Variants in RBMS2 observed in about 807,000 individuals in gnomAD.
RBMS2 encodes the protein RNA-binding motif, single-stranded-interacting protein 2.
RBMS2 carries 38 observed loss-of-function variants against 58.4 expected under a neutral mutation model. The observed-to-expected ratio is 0.65, with a 90% CI of 0.50 to 0.85. RBMS2 has a LOEUF of 0.85. Ranked by LOEUF, RBMS2 falls within the 40% of genes least tolerant of loss-of-function variation. The pLI, the probability that RBMS2 is intolerant of heterozygous loss-of-function variation, is 0.00. For synonymous variants in RBMS2, 151 were observed against 180.7 expected, an observed-to-expected ratio of 0.84 and a Z score of 1.32; for missense variants, 367 against 503.7, an observed-to-expected ratio of 0.73 and a Z score of 2.60.
chr12:56,560,376 C>A (rs1318039499), intron 1 of RBMS2, among the ~76,000 whole-genome samples: 1 of 151,898 alleles, frequency 6.6e-6, no homozygotes, highest in African/African-American at 2.4e-5. Flanking sequence ...TCTGCCTCAG[C>A]CTCCTGAGTA....
intron 2 of RBMS2, among the ~76,000 whole-genome samples, chr12:56,567,774 T>C (rs1206179716): frequency 6.6e-6 from 1 of 151,944 alleles, no homozygotes; most frequent in African/African-American, 2.4e-5. Context: ...GAGGCTGCAG[T>C]GAGCCATGTT....
intron 5 of RBMS2, among the ~76,000 whole-genome samples, chr12:56,577,269 G>A (rs866629044): frequency 6.6e-5 from 10 of 150,874 alleles, no homozygotes; most frequent in Admixed American, 2.0e-4. Flanking sequence ...CTGGGCGAGC[G>A]CCTGTAATCC....
chr12:56,574,100 C>T (rs1882774844), intron 5 of RBMS2, among the ~76,000 whole-genome samples: 1 of 152,166 alleles, frequency 6.6e-6, no homozygotes, highest in Admixed American at 6.5e-5. Context: ...CTCAGCCTCC[C>T]AAAGTGCTAG....
intron 5 of RBMS2, 27 bp from the exon 6 acceptor site, chr12:56,581,157 G>T: frequency 6.5e-7 from 1 of 1,541,884 alleles, no homozygotes; most frequent in East Asian, 2.2e-5. Flanking sequence ...GGAGAAGCTA[G>T]AGCCTAACCC....
rs1885244656 is a variant in RBMS2, at chr12:56,590,695, A to G, written c.*1562A>G. On this transcript the variant is annotated 3_prime_UTR_variant, in exon 14 of 14. Transcript: ENST00000262031. ...GACTTTTGATAACTCTGCATATAGC[A>G]AGAGTGATTCTTGAAAGAGCTGTGG... 6.6e-6 allele frequency: 1 copy of G among 152,244 alleles called. No individual in the cohort carries two copies. Among genetic ancestry groups the G allele is most frequent in the South Asian group, 2.1e-4 (1 of 4,826 alleles). The allele number at this position is 152,244 out of a possible 1,614,324, so 9.4% of individuals were successfully genotyped here.
In RBMS2 at chr12:56,595,511, G is replaced by GTCTT. The variant is rs1162393397; in HGVS notation, c.*6380_*6383dup. On this transcript the variant is annotated 3_prime_UTR_variant, in exon 14 of 14. Transcript: ENST00000262031. ...AACTTACACTCCTTTTCTACCCCTG[G>GTCTT]TCTTTTCCTTGTCCTTCCCTACAAC... 2 of 151,148 alleles carry GTCTT rather than the reference G, an allele frequency of 1.3e-5. No homozygotes were observed. Among genetic ancestry groups the GTCTT allele is most frequent in the Non-Finnish European group, 2.9e-5 (2 of 67,892 alleles). 9.4% of individuals were successfully genotyped at this position (151,148 alleles called of 1,614,324 possible).
intron 4 of RBMS2, among the ~76,000 whole-genome samples, chr12:56,570,869 G>A (rs906577892): frequency 3.3e-5 from 5 of 152,112 alleles, no homozygotes; most frequent in Admixed American, 6.6e-5. Flanking sequence ...GAGCCACCAC[G>A]CCTGGCTGTC....
chr12:56,567,405 G>A (rs988920274), intron 2 of RBMS2, among the ~76,000 whole-genome samples: 8 of 150,582 alleles, frequency 5.3e-5, no homozygotes, highest in Non-Finnish European at 7.4e-5. Context: ...AAAAGAAGAG[G>A]AAGGAGAAGG....
intron 5 of RBMS2, 38 bp downstream of exon 5, chr12:56,571,893 A>G: frequency 1.4e-6 from 2 of 1,450,298 alleles, no homozygotes; most frequent in South Asian, 1.5e-5. Flanking sequence ...TGAGGTTAAT[A>G]ACAAATGTCA....
chr12:56,579,024 A>C (rs774409192), intron 5 of RBMS2, among the ~76,000 whole-genome samples: 1 of 152,180 alleles, frequency 6.6e-6, no homozygotes, highest in Non-Finnish European at 1.5e-5. Flanking sequence ...TTCTGTCATC[A>C]AAATTGATTT....
chr12:56,559,230 A>C (rs980750800), intron 1 of RBMS2, among the ~76,000 whole-genome samples: 6 of 149,454 alleles, frequency 4.0e-5, no homozygotes, highest in African/African-American at 1.5e-4. Flanking sequence ...CCCAGGCTGG[A>C]GTGCAGTGGC....
At chr12:56,559,020 CGCGCCAGCTGACAGTT>C (rs1349903168) in intron 1 of RBMS2, among the ~76,000 whole-genome samples, 2 of 152,100 alleles carry the variant, frequency 1.3e-5, no homozygotes, top group Non-Finnish European at 2.9e-5. Flanking sequence ...CTTGAGCTAC[CGCGCCAGCTGACAGTT>C]GCTTTTATTA....
At chr12:56,588,174 C>A in intron 11 of RBMS2, 120 bp from the exon 12 acceptor site, 1 of 793,582 alleles carries the variant, frequency 1.3e-6, no homozygotes. Context: ...ATGCTCAGAC[C>A]AATTAAAATA....
chr12:56,564,257 G>C (rs912127712), intron 2 of RBMS2, among the ~76,000 whole-genome samples: 1 of 151,856 alleles, frequency 6.6e-6, no homozygotes, highest in Non-Finnish European at 1.5e-5. Context: ...GCTCAGAGAA[G>C]AATCTTGATT....
intron 1 of RBMS2, among the ~76,000 whole-genome samples, chr12:56,560,832 GGTTT>G (rs1880259397): frequency 6.6e-6 from 1 of 152,002 alleles, no homozygotes; most frequent in African/African-American, 2.4e-5. Flanking sequence ...GTGTCATGGG[GGTTT>G]GTTTTACAAA....
chr12:56,542,558 T>C (rs559435877), intron 1 of RBMS2, among the ~76,000 whole-genome samples: 1 of 150,990 alleles, frequency 6.6e-6, no homozygotes, highest in African/African-American at 2.4e-5. Flanking sequence ...TTTTCTTTTT[T>C]TTTTTTTTTA....
At chr12:56,588,744 C>G in intron 12 of RBMS2, 188 bp from the exon 13 acceptor site, 1 of 637,632 alleles carries the variant, frequency 1.6e-6, no homozygotes, top group African/African-American at 1.8e-5. Context: ...ACTAATGCGT[C>G]TTGGGAAGAG....
intron 1 of RBMS2, among the ~76,000 whole-genome samples, chr12:56,542,947 C>T (rs565981026): frequency 2.2e-4 from 33 of 151,704 alleles, no homozygotes; most frequent in Middle Eastern, 3.4e-3. Context: ...ACTCTGTCAC[C>T]CAGGCTGGGG....
In RBMS2 at chr12:56,587,539, T is replaced by C. The variant is rs367799813; in HGVS notation, c.952-15T>C. 7.4e-6 allele frequency: 12 copies of C among 1,612,270 alleles called. No individual in the cohort carries two copies. In the African/African-American group the frequency reaches 9.3e-5, roughly 13 times the overall value. On this transcript the variant is annotated splice_polypyrimidine_tract_variant and intron_variant, in intron 10 of 13. Coordinates refer to ENST00000262031, the MANE Select transcript of RBMS2 (RefSeq NM_002898.4). ...GGATGCTGCAGCTAACCCTGTCCTT[T>C]GTTGCTGCCTCTAGGGTTCAGTTCT...
Sources: allele counts gnomAD v4.1 joint callset (sites outside exome capture counted in the v4.1 genomes callset), GRCh38; gene constraint gnomAD v4.1.1; transcripts MANE v1.5; gene names NCBI Gene and HGNC (gene_info 2026-07-23, HGNC 2026-07-21).